The following PALB2 variants were observed in gnomAD, a reference collection of about 807,000 sequenced individuals.
PALB2 encodes the protein partner and localizer of BRCA2, also known as mutant partner and localizer of BRCA2.
In PALB2, 82 loss-of-function variants were observed where a neutral mutation model predicts 107.4. The observed-to-expected ratio is 0.76, with a 90% CI of 0.64 to 0.92. PALB2 has a LOEUF of 0.92. PALB2 is among the 40% of genes least tolerant of loss of function. The probability of loss-of-function intolerance (pLI) is 0.00; values close to 1 mark genes in which losing one functional copy is unlikely to be tolerated. For synonymous variants in PALB2, 489 were observed against 496.8 expected (o/e 0.98, Z 0.21); for missense variants, 1,374 against 1,379.9 (o/e 1.00, Z 0.07).
At chr16:23,616,817 ATT>A (rs763117940) in intron 10 of PALB2, among the ~76,000 whole-genome samples, 2 of 146,288 alleles carry the variant, frequency 1.4e-5, no homozygotes, top group Non-Finnish European at 1.5e-5. Flanking sequence ...AGCTTAAGAA[ATT>A]TTTTTTTTTT....
chr16:23,622,986 C>T lies in PALB2; in HGVS notation c.2979G>A (p.Thr993=), dbSNP rs772357409. The part of the protein sequence containing the change: ...TLSDQQVEVM[T]FAEDGGGKEN... Reference sequence around the variant, plus strand: ...TTTCTTACCCTCCATCTTCTGCAAACGTCATGACTTCTACTTGTTGATCAG... The same window carrying T: ...TTTCTTACCCTCCATCTTCTGCAAATGTCATGACTTCTACTTGTTGATCAG... Residue 993 remains threonine, a synonymous_variant, in exon 9 of 13, where the codon ACG becomes ACA. Transcript: ENST00000261584. 11 of 1,614,026 alleles carry T rather than the reference C, an allele frequency of 6.8e-6. No homozygotes were observed. Among genetic ancestry groups the T allele is most frequent in the East Asian group, 6.7e-5 (3 of 44,898 alleles).
chr16:23,627,493 C>CAAA (rs749429582), intron 6 of PALB2, among the ~76,000 whole-genome samples: 3 of 54,692 alleles, frequency 5.5e-5, no homozygotes, highest in Non-Finnish European at 1.1e-4. Context: ...GACTCCGTCT[C>CAAA]AAAAAAAAAA....
At chr16:23,618,388 A>T (rs578007349) in intron 10 of PALB2, among the ~76,000 whole-genome samples, 1 of 152,322 alleles carries the variant, frequency 6.6e-6, no homozygotes, top group East Asian at 1.9e-4. Context: ...ACTTATAGAA[A>T]AAGGGTACAA....
chr16:23,635,273 C>G lies in PALB2; in HGVS notation c.1273G>C (p.Val425Leu), dbSNP rs576081828. The G allele has an allele frequency of 1.2e-6, 2 of 1,614,150 alleles. No homozygotes were observed. The highest frequency in any genetic ancestry group is 8.5e-7 in the Non-Finnish European group (1 of 1,180,034). The change falls in exon 4 of 13, where the codon GTG (valine) becomes CTG (leucine). Residue 425 changes from valine (V) to leucine (L), a missense_variant. By Grantham distance (32) the Val-to-Leu change is conservative. Coordinates refer to ENST00000261584, the MANE Select transcript of PALB2 (RefSeq NM_024675.4). ...AAATGACTCTGAATGACAGCCTCCACGGCTACTTTCCTCTGGCAATTGGAC... is the reference window on the plus strand; with the variant it reads ...AAATGACTCTGAATGACAGCCTCCAGGGCTACTTTCCTCTGGCAATTGGAC... ...SMSNCQRKVA[V>L]EAVIQSHLDV...
rs515726111 is a variant in PALB2 at position 23,608,013 on chromosome 16, C to G, written c.3202-1G>C. 1 of 1,613,498 alleles carries G rather than the reference C, an allele frequency of 6.2e-7. No individual in the cohort carries two copies. The highest frequency in any genetic ancestry group is 1.7e-5 in the Admixed American group (1 of 59,982). ...GACTCAGGACAATAAAGAGAAGCCC[C>G]TAATTTCGGAGAAAAATAAATATCC... On this transcript the variant is annotated splice_acceptor_variant, in intron 11 of 12. Transcript: ENST00000261584. LOFTEE classifies it high-confidence loss of function.
At chr16:23,609,610 T>G (rs530603174) in intron 11 of PALB2, among the ~76,000 whole-genome samples, 1 of 152,014 alleles carries the variant, frequency 6.6e-6, no homozygotes, top group Non-Finnish European at 1.5e-5. Context: ...CTCTGCCTCC[T>G]GGGTTCACGC....
chr16:23,630,570 G>GTTTCTTTT, intron 4 of PALB2, 101 bp from the exon 5 acceptor site: 2 of 982,974 alleles, frequency 2.0e-6, no homozygotes, highest in Non-Finnish European at 3.1e-6. Flanking sequence ...AGATTTAAAA[G>GTTTCTTTT]AAACATTTTA....
intron 12 of PALB2, among the ~76,000 whole-genome samples, chr16:23,604,111 G>A (rs1439414194): frequency 6.6e-6 from 1 of 152,144 alleles, no homozygotes; most frequent in Non-Finnish European, 1.5e-5. Context: ...ACACACATAC[G>A]GGATCTGTTC....
chr16:23,629,183 G>A lies in PALB2; in HGVS notation c.2586+21C>T, dbSNP rs1966853474. ...TTTCATATGTAAGACACGAGACACT[G>A]GAAGAGAATATTCTTCTGACCTTTA... On this transcript the variant is annotated intron_variant, in intron 6 of 12. Transcript: ENST00000261584. The A allele has an allele frequency of 6.3e-7, 1 of 1,585,074 alleles. No homozygotes were observed. The highest frequency in any genetic ancestry group is 8.7e-7 in the Non-Finnish European group (1 of 1,154,436).
At chr16:23,608,958 G>A (rs1354124688) in intron 11 of PALB2, among the ~76,000 whole-genome samples, 5 of 151,832 alleles carry the variant, frequency 3.3e-5, no homozygotes, top group Admixed American at 6.6e-5. Context: ...CTCCCAAGTA[G>A]CTGGGATTAC....
At position 23,623,501 on chromosome 16, in the gene PALB2, C is replaced by CTTTT. The variant is rs1189941589; in HGVS notation, c.2835-375_2835-372dup. Among the ~76,000 whole-genome samples, 5 of 62,550 alleles carry CTTTT rather than the reference C, an allele frequency of 8.0e-5. 1 individual carries two copies. Among genetic ancestry groups the CTTTT allele is most frequent in the African/African-American group, 2.6e-4 (3 of 11,528 alleles). The allele number at this position is 62,550 out of a possible 152,430, so 41.0% of individuals were successfully genotyped here. On this transcript the variant is annotated intron_variant, in intron 8 of 12. Transcript: ENST00000261584. ...ACAGGTGTGAGCCACCATACCCGGC[C>CTTTT]TTTTTTTTTTTTTTTTTTTTTTTTT...
rs1060502741 is a variant in PALB2, at chr16:23,635,009, T to C, written c.1537A>G (p.Thr513Ala). The stretch of plus-strand genomic sequence containing the variant: ...GTGCAGGCTGATTTTCTTTTTCCTG[T>C]GTATCTTCTACCAGGTGCTTGGGCA... ...AVAQAPGRRY[T>A]GKRKSACTPA... Residue 513 changes from threonine (T) to alanine (A), a missense_variant, in exon 4 of 13, where the codon ACA becomes GCA. Coordinates refer to ENST00000261584, the MANE Select transcript of PALB2 (RefSeq NM_024675.4). 4.3e-6 allele frequency: 7 copies of C among 1,614,200 alleles called. No individual in the cohort carries two copies. The highest frequency in any genetic ancestry group is 5.9e-6 in the Non-Finnish European group (7 of 1,180,046).
Position 23,626,111 on chromosome 16 carries a change from T to TG in PALB2, c.2748+124dup, listed in dbSNP as rs1203113800. The TG allele has an allele frequency of 3.6e-6, 4 of 1,111,780 alleles. No homozygotes were observed. In the Admixed American group the frequency reaches 7.9e-5, roughly 22 times the overall value. The allele number at this position is 1,111,780 out of a possible 1,614,324, so 68.9% of individuals were successfully genotyped here. On this transcript the variant is annotated intron_variant, in intron 7 of 12. Transcript: ENST00000261584. ...TTTGAAACTTTTCATAATAAAATGT[T>TG]GGGAAAAAAACCTCATCTCTGTTCT...
chr16:23,639,937 A>G (rs998391354), intron 1 of PALB2, among the ~76,000 whole-genome samples: 14 of 152,002 alleles, frequency 9.2e-5, no homozygotes, highest in Admixed American at 4.6e-4. Context: ...CCTGGCGTGC[A>G]GTGGCGCGAT....
intron 11 of PALB2, among the ~76,000 whole-genome samples, chr16:23,608,410 C>T (rs1966521006): frequency 6.6e-6 from 1 of 152,224 alleles, no homozygotes; most frequent in East Asian, 1.9e-4. Context: ...TTTAGCCAGT[C>T]TTGCCAGGCA....
At chr16:23,606,021 T>C (rs974674083) in intron 12 of PALB2, 1 of 152,190 alleles carries the variant, frequency 6.6e-6, no homozygotes, top group African/African-American at 2.4e-5. Context: ...AGCAGCCTAA[T>C]AGAACTAAGA....
intron 7 of PALB2, among the ~76,000 whole-genome samples, chr16:23,624,751 T>C (rs1966837571): frequency 6.6e-6 from 1 of 152,156 alleles, no homozygotes; most frequent in South Asian, 2.1e-4. Flanking sequence ...CCTCAGGTGA[T>C]CCACCCACCT....
chr16:23,628,944 GA>G, intron 6 of PALB2, among the ~76,000 whole-genome samples: 1 of 152,100 alleles, frequency 6.6e-6, no homozygotes, highest in Non-Finnish European at 1.5e-5. Flanking sequence ...CCCTAACTTA[GA>G]TTTAGACATG....
At position 23,635,337 on chromosome 16, in the gene PALB2, C is replaced by T. The variant is rs786202452; in HGVS notation, c.1209G>A (p.Leu403=). ...KHSCTVPEGL[L]FPAEYYVRTT... ...TTCTAACATAATATTCTGCAGGAAA[C>T]AGAAGGCCTTCAGGCACTGTGCAAG... Residue 403 remains leucine, a synonymous_variant, in exon 4 of 13, where the codon CTG becomes CTA. Transcript: ENST00000261584. 7 of 1,614,016 alleles carry T rather than the reference C, an allele frequency of 4.3e-6. No individual in the cohort carries two copies. The highest frequency in any genetic ancestry group is 1.7e-4 in the Middle Eastern group (1 of 6,060).
Sources: allele counts gnomAD v4.1 joint callset (sites outside exome capture counted in the v4.1 genomes callset), GRCh38; gene constraint gnomAD v4.1.1; transcripts MANE v1.5; gene names NCBI Gene and HGNC (gene_info 2026-07-23, HGNC 2026-07-21).